NBEA: variants seen among roughly 807,000 people sequenced by gnomAD.
The protein encoded by NBEA is neurobeachin.
A neutral mutation model predicts 343.4 loss-of-function variants in NBEA; 44 were observed. The ratio of observed to expected loss-of-function variants is 0.13; its 90% CI spans 0.10 to 0.16. The LOEUF is 0.16. Ranked by LOEUF, NBEA falls within the 10% of genes least tolerant of loss-of-function variation. The pLI, the probability that NBEA is intolerant of heterozygous loss-of-function variation, is 1.00. For missense variants in NBEA, 2,555 were observed against 3,631.3 expected (o/e 0.70, Z 7.62); for synonymous variants, 1,175 against 1,238.7 (o/e 0.95, Z 1.08).
chr13:35,601,504 C>T (rs1040636276), intron 47 of NBEA, among the ~76,000 whole-genome samples: 1 of 152,040 alleles, frequency 6.6e-6, no homozygotes, highest in Non-Finnish European at 1.5e-5. Flanking sequence ...TGGCTCATGC[C>T]TGTAATCCCA....
chr13:35,218,265 G>A (rs968672558), intron 33 of NBEA, among the ~76,000 whole-genome samples: 4 of 151,970 alleles, frequency 2.6e-5, no homozygotes, highest in Admixed American at 1.3e-4. Context: ...GGCTACAAAT[G>A]AATTTTATAT....
chr13:35,649,971 TA>T, intron 52 of NBEA, 124 bp downstream of exon 52: 1 of 952,412 alleles, frequency 1.0e-6, no homozygotes, highest in Non-Finnish European at 1.5e-6. Flanking sequence ...GCAGACTAAA[TA>T]AATAATTGTC....
chr13:35,247,960 G>T (rs1166218102), intron 34 of NBEA, among the ~76,000 whole-genome samples: 1 of 152,104 alleles, frequency 6.6e-6, no homozygotes, highest in African/African-American at 2.4e-5. Flanking sequence ...TAAAAGGATT[G>T]ATTATAAGAG....
chr13:35,370,750 A>G (rs544866993), intron 38 of NBEA, among the ~76,000 whole-genome samples: 12 of 152,180 alleles, frequency 7.9e-5, no homozygotes, highest in African/African-American at 2.9e-4. Flanking sequence ...GATTGGAGAT[A>G]GCATTCTTTT....
intron 38 of NBEA, among the ~76,000 whole-genome samples, chr13:35,370,218 T>C (rs959935024): frequency 6.6e-6 from 1 of 151,990 alleles, no homozygotes; most frequent in Non-Finnish European, 1.5e-5. Context: ...TAGGTGCTCC[T>C]GTGCTGAGTG....
At chr13:35,384,437 C>G (rs2042145184) in intron 38 of NBEA, among the ~76,000 whole-genome samples, 1 of 151,402 alleles carries the variant, frequency 6.6e-6, no homozygotes, top group Admixed American at 6.6e-5. Flanking sequence ...TTAAAGCCTT[C>G]TCTTGTCAAA....
chr13:35,273,323 G>A (rs192626047), intron 34 of NBEA, among the ~76,000 whole-genome samples: 6 of 152,120 alleles, frequency 3.9e-5, no homozygotes, highest in African/African-American at 1.4e-4. Flanking sequence ...AAGACTCAAT[G>A]TACTAGAATC....
chr13:35,088,548 CT>C (rs972408940), intron 10 of NBEA, among the ~76,000 whole-genome samples: 36 of 151,956 alleles, frequency 2.4e-4, no homozygotes, highest in African/African-American at 8.7e-4. Flanking sequence ...AAAAATTTGG[CT>C]TTTCCAGTGT....
intron 1 of NBEA, among the ~76,000 whole-genome samples, chr13:34,951,734 A>G (rs2059355631): frequency 6.6e-6 from 1 of 152,150 alleles, no homozygotes; most frequent in Non-Finnish European, 1.5e-5. Context: ...CTTTGTGTGG[A>G]GTCTCTTCCA....
intron 41 of NBEA, among the ~76,000 whole-genome samples, chr13:35,502,815 A>C (rs1274204048): frequency 3.9e-5 from 6 of 152,150 alleles, no homozygotes; most frequent in Non-Finnish European, 7.4e-5. Context: ...AGATTTGGGA[A>C]AAAGAGTCCA....
At chr13:35,260,540 T>G (rs1266980980) in intron 34 of NBEA, among the ~76,000 whole-genome samples, 3 of 152,192 alleles carry the variant, frequency 2.0e-5, no homozygotes, top group Non-Finnish European at 4.4e-5. Context: ...GAATTTCCAG[T>G]AAATCACAGC....
chr13:35,396,488 A>C (rs185489900), intron 38 of NBEA, among the ~76,000 whole-genome samples: 7 of 152,196 alleles, frequency 4.6e-5, no homozygotes, highest in Non-Finnish European at 2.9e-5. Context: ...TACATCCTTA[A>C]ATTTCAGTTT....
At chr13:35,505,879 C>G (rs2077055177) in intron 41 of NBEA, among the ~76,000 whole-genome samples, 1 of 152,100 alleles carries the variant, frequency 6.6e-6, no homozygotes, top group South Asian at 2.1e-4. Flanking sequence ...GTTCAACTTA[C>G]AGATTTGATT....
chr13:35,195,542 G>A (rs1399161574), intron 30 of NBEA, among the ~76,000 whole-genome samples: 2 of 152,008 alleles, frequency 1.3e-5, no homozygotes, highest in Admixed American at 6.6e-5. Flanking sequence ...GGGATTAGAC[G>A]TATCCCACCG....
At position 35,637,736 on chromosome 13, in the gene NBEA, C is replaced by T. The variant is rs1199172652; in HGVS notation, c.7618-8133C>T. Among the ~76,000 whole-genome samples, 9 of 152,008 alleles carry T rather than the reference C, an allele frequency of 5.9e-5. No individual in the cohort carries two copies. In the South Asian group the frequency reaches 1.7e-3, roughly 28 times the overall value. ...ACTCGGGAGGCTGAGGCAGGAGAAT[C>T]ACTTGAACCCGGGAGGCGGAGGTTG... On this transcript the variant is annotated intron_variant, in intron 49 of 58. Transcript: ENST00000379939.
intron 40 of NBEA, among the ~76,000 whole-genome samples, chr13:35,453,166 T>C (rs943424128): frequency 4.6e-5 from 7 of 152,204 alleles, no homozygotes; most frequent in African/African-American, 1.4e-4. Flanking sequence ...TCTCTAGTGA[T>C]TTCTTTCTAC....
At chr13:35,247,100 C>T (rs1199922571) in intron 34 of NBEA, among the ~76,000 whole-genome samples, 13 of 152,084 alleles carry the variant, frequency 8.5e-5, no homozygotes, top group Admixed American at 8.5e-4. Flanking sequence ...CACCCAGTTC[C>T]CACTCAACCC....
chr13:35,289,654 G>C (rs1311911497), intron 34 of NBEA, among the ~76,000 whole-genome samples: 3 of 151,832 alleles, frequency 2.0e-5, no homozygotes, highest in African/African-American at 7.2e-5. Flanking sequence ...ATAATACTAT[G>C]TCACAGAGTA....
chr13:35,219,761 G>A (rs181380901), intron 33 of NBEA, among the ~76,000 whole-genome samples: 76 of 152,152 alleles, frequency 5.0e-4, no homozygotes, highest in African/African-American at 1.4e-3. Context: ...CGATGTTTCC[G>A]TCTGAGTCCA....
Sources: gnomAD v4.1 joint callset for allele counts (sites outside exome capture counted in the v4.1 genomes callset) on GRCh38, gnomAD v4.1.1 for gene constraint, MANE v1.5 for transcripts, NCBI Gene and HGNC (gene_info 2026-07-23, HGNC 2026-07-21) for gene names.